GNG12: variants seen among roughly 807,000 people sequenced by gnomAD.
The protein encoded by GNG12 is G protein subunit gamma 12, also known as guanine nucleotide-binding protein G(I)/G(S)/G(O) subunit gamma-12.
For synonymous variants in GNG12, 28 were observed against 29.7 expected, an observed-to-expected ratio of 0.94 and a Z score of 0.19; for missense variants, 69 against 83.8, an observed-to-expected ratio of 0.82 and a Z score of 0.69.
intron 1 of GNG12, among the ~76,000 whole-genome samples, chr1:67,780,336 C>A (rs1557614930): frequency 6.6e-6 from 1 of 152,178 alleles, no homozygotes; most frequent in Admixed American, 6.5e-5. Flanking sequence ...TGGTTCTAGA[C>A]TTCACACTCC....
intron 2 of GNG12, among the ~76,000 whole-genome samples, chr1:67,761,411 T>C (rs539633012): frequency 6.6e-6 from 1 of 152,242 alleles, no homozygotes; most frequent in Admixed American, 6.5e-5. Flanking sequence ...ATCCTGAATC[T>C]CTGTTCTGTC....
intron 1 of GNG12, among the ~76,000 whole-genome samples, chr1:67,781,382 T>C (rs1487291811): frequency 6.6e-6 from 1 of 152,204 alleles, no homozygotes; most frequent in Non-Finnish European, 1.5e-5. Flanking sequence ...TTGAGAGGTA[T>C]ACTGAATGTA....
At chr1:67,815,191 G>A (rs1646946488) in intron 1 of GNG12, among the ~76,000 whole-genome samples, 1 of 152,076 alleles carries the variant, frequency 6.6e-6, no homozygotes, top group African/African-American at 2.4e-5. Flanking sequence ...AGGAAATCAA[G>A]GCCACAAATC....
At chr1:67,753,794 G>A (rs909520130) in intron 2 of GNG12, among the ~76,000 whole-genome samples, 3 of 152,192 alleles carry the variant, frequency 2.0e-5, no homozygotes, top group African/African-American at 7.2e-5. Flanking sequence ...ACTGGAAAAC[G>A]GGGAGCTACT....
intron 2 of GNG12, among the ~76,000 whole-genome samples, chr1:67,749,624 C>A (rs140568534): frequency 6.6e-6 from 1 of 152,168 alleles, no homozygotes; most frequent in Non-Finnish European, 1.5e-5. Context: ...GCAGCCTGCA[C>A]GACAGAGCAA....
At chr1:67,723,310 G>A (rs1361562858) in intron 2 of GNG12, among the ~76,000 whole-genome samples, 1 of 152,156 alleles carries the variant, frequency 6.6e-6, no homozygotes, top group South Asian at 2.1e-4. Flanking sequence ...AAGGAGCAGA[G>A]ACAGGCTGAG....
intron 2 of GNG12, among the ~76,000 whole-genome samples, chr1:67,728,596 C>T (rs368082810): frequency 6.6e-6 from 1 of 152,108 alleles, no homozygotes; most frequent in African/African-American, 2.4e-5. Context: ...AGAGGTGGCA[C>T]AACAGCTGCA....
At chr1:67,829,948 C>T (rs1002255119) in intron 1 of GNG12, among the ~76,000 whole-genome samples, 4 of 150,624 alleles carry the variant, frequency 2.7e-5, no homozygotes, top group East Asian at 1.9e-4. Flanking sequence ...GTGCACCTGA[C>T]GTGCATTAGG....
intron 1 of GNG12, among the ~76,000 whole-genome samples, chr1:67,796,075 T>A (rs1646829905): frequency 6.6e-6 from 1 of 152,228 alleles, no homozygotes; most frequent in Non-Finnish European, 1.5e-5. Context: ...GGCTCACAAT[T>A]TAACATGTGA....
chr1:67,735,573 A>G (rs755642867), intron 2 of GNG12, among the ~76,000 whole-genome samples: 10 of 152,258 alleles, frequency 6.6e-5, no homozygotes, highest in Non-Finnish European at 1.2e-4. Flanking sequence ...GATGAAATGC[A>G]TATGTAAAGT....
intron 1 of GNG12, among the ~76,000 whole-genome samples, chr1:67,796,798 TA>T (rs1557620810): frequency 6.6e-6 from 1 of 152,080 alleles, no homozygotes; most frequent in South Asian, 2.1e-4. Context: ...ATAATTTAGA[TA>T]AAAAAAGAGG....
chr1:67,719,947 C>T (rs1046740323), intron 2 of GNG12, among the ~76,000 whole-genome samples: 2 of 152,194 alleles, frequency 1.3e-5, no homozygotes, highest in African/African-American at 2.4e-5. Context: ...GATGTAGCAA[C>T]CAACACATCA....
intron 1 of GNG12, among the ~76,000 whole-genome samples, chr1:67,781,169 C>A (rs376700032): frequency 6.6e-6 from 1 of 152,168 alleles, no homozygotes; most frequent in Non-Finnish European, 1.5e-5. Context: ...GCCCAGCCTA[C>A]CCACTTGCAG....
intron 1 of GNG12, among the ~76,000 whole-genome samples, chr1:67,827,638 G>T (rs1481906534): frequency 3.3e-5 from 5 of 152,028 alleles, no homozygotes; most frequent in Non-Finnish European, 7.4e-5. Flanking sequence ...TGTTAGCCAG[G>T]ATGGTCTCGC....
intron 2 of GNG12, among the ~76,000 whole-genome samples, chr1:67,733,711 TC>T (rs1646434518): frequency 6.6e-6 from 1 of 152,146 alleles, no homozygotes; most frequent in Admixed American, 6.5e-5. Context: ...CCAGTGGACT[TC>T]CCCCAAACCT....
intron 1 of GNG12, among the ~76,000 whole-genome samples, chr1:67,787,751 C>A (rs1434843568): frequency 6.6e-6 from 1 of 152,184 alleles, no homozygotes; most frequent in Non-Finnish European, 1.5e-5. Flanking sequence ...TATTCACAAC[C>A]CTAAGAGGAC....
chr1:67,807,378 GA>G (rs1646899635), intron 1 of GNG12, among the ~76,000 whole-genome samples: 1 of 148,674 alleles, frequency 6.7e-6, no homozygotes, highest in African/African-American at 2.5e-5. Context: ...TAAGAAACTA[GA>G]AAAAATAAAT....
At chr1:67,749,437 A>C (rs1646525904) in intron 2 of GNG12, among the ~76,000 whole-genome samples, 1 of 152,224 alleles carries the variant, frequency 6.6e-6, no homozygotes, top group Admixed American at 6.5e-5. Flanking sequence ...GCACTCAATA[A>C]ATGTTTGCTG....
At chr1:67,827,711 G>A (rs917510284) in intron 1 of GNG12, among the ~76,000 whole-genome samples, 2 of 151,550 alleles carry the variant, frequency 1.3e-5, no homozygotes, top group South Asian at 2.1e-4. Context: ...AGGCGTGAGC[G>A]ACTGCACCCA....
Sources: gnomAD v4.1 joint callset for allele counts (sites outside exome capture counted in the v4.1 genomes callset) on GRCh38, gnomAD v4.1.1 for gene constraint, MANE v1.5 for transcripts, NCBI Gene and HGNC (gene_info 2026-07-23, HGNC 2026-07-21) for gene names.